The following DPP10 variants were observed in gnomAD, a reference collection of about 807,000 sequenced individuals.
DPP10 encodes the protein dipeptidyl peptidase like 10.
In DPP10, 33 loss-of-function variants were observed where a neutral mutation model predicts 120.9. That is an observed-to-expected ratio of 0.27 (90% CI 0.21 to 0.37). The LOEUF (loss-of-function observed/expected upper bound fraction) is 0.37, where lower values mean the gene tolerates loss of function less well. Ranked by LOEUF, DPP10 falls within the 10% of genes least tolerant of loss-of-function variation. DPP10 has a pLI of 1.00. For missense variants in DPP10, 816 were observed against 942.8 expected (o/e 0.87, Z 1.76); for synonymous variants, 337 against 326.1 (o/e 1.03, Z -0.36).
intron 1 of DPP10, among the ~76,000 whole-genome samples, chr2:115,034,323 T>C (rs1244842412): frequency 1.3e-5 from 2 of 152,190 alleles, no homozygotes; most frequent in East Asian, 3.9e-4. Flanking sequence ...TTAAGATTTC[T>C]GACCTTTTTT....
chr2:114,736,288 C>A (rs949691382), intron 1 of DPP10, among the ~76,000 whole-genome samples: 2 of 152,066 alleles, frequency 1.3e-5, no homozygotes, highest in Non-Finnish European at 2.9e-5. Flanking sequence ...TATGATACAT[C>A]TACCTACATT....
intron 3 of DPP10, among the ~76,000 whole-genome samples, chr2:115,381,697 G>T (rs961167126): frequency 1.3e-5 from 2 of 152,104 alleles, no homozygotes; most frequent in Non-Finnish European, 2.9e-5. Context: ...TCTACTTTTG[G>T]TCTTTGATGA....
intron 1 of DPP10, among the ~76,000 whole-genome samples, chr2:114,831,020 AGATTT>A (rs1687055461): frequency 8.7e-6 from 1 of 115,580 alleles, no homozygotes; most frequent in Non-Finnish European, 1.7e-5. Flanking sequence ...ATCCATGCAA[AGATTT>A]TTTTTTTTTT....
intron 1 of DPP10, among the ~76,000 whole-genome samples, chr2:115,040,497 G>T (rs905261642): frequency 4.6e-5 from 7 of 151,842 alleles, no homozygotes; most frequent in African/African-American, 1.7e-4. Context: ...GAAAGAAGAA[G>T]GACTTTACCC....
At chr2:115,586,954 A>G (rs911359634) in intron 5 of DPP10, among the ~76,000 whole-genome samples, 2 of 152,306 alleles carry the variant, frequency 1.3e-5, no homozygotes, top group East Asian at 3.9e-4. Flanking sequence ...TGTAATGTGC[A>G]GTGATTAGCA....
intron 1 of DPP10, among the ~76,000 whole-genome samples, chr2:114,871,635 A>G (rs2106563886): frequency 6.6e-6 from 1 of 152,286 alleles, no homozygotes; most frequent in Non-Finnish European, 1.5e-5. Context: ...TTTTTTTAAA[A>G]TAATTTCAAC....
At chr2:114,537,125 T>G (rs1325800409) in intron 1 of DPP10, among the ~76,000 whole-genome samples, 1 of 152,204 alleles carries the variant, frequency 6.6e-6, no homozygotes, top group Non-Finnish European at 1.5e-5. Flanking sequence ...CTGTACCACA[T>G]GCCTTTAGGA....
chr2:115,012,384 C>A (rs1199102495), intron 1 of DPP10, among the ~76,000 whole-genome samples: 4 of 152,114 alleles, frequency 2.6e-5, no homozygotes, highest in African/African-American at 9.7e-5. Flanking sequence ...CAACACAAAA[C>A]CAGCACATTA....
At chr2:114,723,290 G>C (rs1028865630) in intron 1 of DPP10, among the ~76,000 whole-genome samples, 109 of 152,276 alleles carry the variant, frequency 7.2e-4, no homozygotes, top group African/African-American at 2.5e-3. Context: ...TAAATGTTTA[G>C]CCTTATCAGT....
At chr2:114,488,801 C>T (rs1681737149) in intron 1 of DPP10, among the ~76,000 whole-genome samples, 1 of 152,210 alleles carries the variant, frequency 6.6e-6, no homozygotes, top group Admixed American at 6.5e-5. Context: ...AGTCCAGTCC[C>T]AGCCCTGGCC....
chr2:115,390,755 A>G (rs1405156261), intron 3 of DPP10, among the ~76,000 whole-genome samples: 5 of 152,172 alleles, frequency 3.3e-5, no homozygotes, highest in South Asian at 2.1e-4. Flanking sequence ...ATAGAAACAC[A>G]TTAAACTGAA....
At chr2:115,135,827 T>A (rs184296680) in intron 1 of DPP10, among the ~76,000 whole-genome samples, 229 of 152,292 alleles carry the variant, frequency 1.5e-3, no homozygotes, top group Non-Finnish European at 2.4e-3. Context: ...TTGGCTTCCA[T>A]CTTAAGGATC....
chr2:115,143,134 T>C (rs2051022025), intron 1 of DPP10, among the ~76,000 whole-genome samples: 2 of 152,202 alleles, frequency 1.3e-5, no homozygotes, highest in East Asian at 1.9e-4. Context: ...CCTTGGGATA[T>C]TGCCTGGTTC....
At chr2:114,609,303 A>G (rs902797524) in intron 1 of DPP10, among the ~76,000 whole-genome samples, 13 of 152,160 alleles carry the variant, frequency 8.5e-5, no homozygotes, top group Admixed American at 2.0e-4. Flanking sequence ...GGGGTGGAAA[A>G]AGAGATAAAT....
intron 1 of DPP10, among the ~76,000 whole-genome samples, chr2:114,844,181 G>T (rs1688370895): frequency 6.6e-6 from 1 of 151,964 alleles, no homozygotes; most frequent in East Asian, 1.9e-4. Flanking sequence ...GCAAGCTGTT[G>T]GTAACTACCC....
At chr2:115,317,597 A>T (rs2061855708) in intron 2 of DPP10, among the ~76,000 whole-genome samples, 1 of 150,476 alleles carries the variant, frequency 6.6e-6, no homozygotes, top group South Asian at 2.1e-4. Flanking sequence ...CATGTGTTCC[A>T]GTTTCTCCAA....
At chr2:115,640,050 A>G (rs1198326181) in intron 5 of DPP10, among the ~76,000 whole-genome samples, 2 of 151,642 alleles carry the variant, frequency 1.3e-5, no homozygotes, top group East Asian at 3.9e-4. Flanking sequence ...GACTGGGCCT[A>G]TACTCTAATT....
intron 3 of DPP10, among the ~76,000 whole-genome samples, chr2:115,444,536 T>C (rs1405341272): frequency 6.6e-6 from 1 of 152,228 alleles, no homozygotes; most frequent in African/African-American, 2.4e-5. Context: ...TTCTCTGTAG[T>C]TACTCATCTA....
At chr2:115,639,696 G>A (rs1353839625) in intron 5 of DPP10, among the ~76,000 whole-genome samples, 1 of 151,828 alleles carries the variant, frequency 6.6e-6, no homozygotes, top group Admixed American at 6.6e-5. Context: ...TGAGGTGTTT[G>A]TTAAAACATG....
Sources: allele counts gnomAD v4.1 joint callset (sites outside exome capture counted in the v4.1 genomes callset), GRCh38; gene constraint gnomAD v4.1.1; transcripts MANE v1.5; gene names NCBI Gene and HGNC (gene_info 2026-07-23, HGNC 2026-07-21).